The following RGS12 variants were observed in gnomAD, a reference collection of about 807,000 sequenced individuals.
The protein encoded by RGS12 is regulator of G-protein signaling 12.
RGS12 carries 66 observed loss-of-function variants against 120.1 expected under a neutral mutation model. The observed-to-expected ratio is 0.55, with a 90% CI of 0.45 to 0.67. The LOEUF (loss-of-function observed/expected upper bound fraction) is 0.67. Ranked by LOEUF, RGS12 falls within the 30% of genes least tolerant of loss-of-function variation. The pLI, the probability that RGS12 is intolerant of heterozygous loss-of-function variation, is 0.00. For synonymous variants in RGS12, 827 were observed against 804.7 expected (o/e 1.03, Z -0.47); for missense variants, 1,859 against 1,957.7 (o/e 0.95, Z 0.95).
intron 3 of RGS12, among the ~76,000 whole-genome samples, chr4:3,377,028 T>C (rs78701585): frequency 6.6e-6 from 1 of 152,098 alleles, no homozygotes; most frequent in Non-Finnish European, 1.5e-5. Context: ...TTTTTTTTTT[T>C]TGAGACAGGG....
chr4:3,287,799 G>C, the RGS12 span, among the ~76,000 whole-genome samples: 1 of 152,224 alleles, frequency 6.6e-6, no homozygotes, highest in Non-Finnish European at 1.5e-5. Context: ...CCACCTGGAA[G>C]GTAGTCCCGG....
rs1724857061 is a variant in RGS12 at position 3,317,488 on chromosome 4, G to A, written c.1318G>A (p.Val440Met). Residue 440 changes from valine to methionine, a missense_variant, in exon 2 of 18, where the codon GTG becomes ATG. Val to Met is a conservative substitution (Grantham distance 21). Coordinates refer to ENST00000336727, the MANE Select transcript of RGS12 (RefSeq NM_001394154.1). ...GGAGGAGAAGAGCAACCGGGTCCTT[G>A]TGGTGGACCTGGGTGGGAGCTCGAG... is the stretch of plus-strand genomic sequence containing the variant. ...HQEEKSNRVL[V>M]VDLGGSSSRH... The A allele has an allele frequency of 1.2e-6, 2 of 1,613,750 alleles. No individual in the cohort carries two copies. The highest frequency in any genetic ancestry group is 2.2e-5 in the East Asian group (1 of 44,882).
intron 13 of RGS12, among the ~76,000 whole-genome samples, chr4:3,424,714 G>A (rs569168758): frequency 1.3e-5 from 2 of 152,232 alleles, no homozygotes; most frequent in Non-Finnish European, 2.9e-5. Context: ...TGTGGAATGG[G>A]TTGTTTGGGA....
At chr4:3,288,168 G>A (rs184565238), upstream of RGS12, among the ~76,000 whole-genome samples, 6 of 152,300 alleles carry the variant, frequency 3.9e-5, 1 homozygote, top group South Asian at 8.3e-4. This position sits in a 1 kb window ranked among gnomAD's most constrained non-coding sequence, Gnocchi z 5.2. Flanking sequence ...GGGAGTGTGC[G>A]CAGACCCCCA....
chr4:3,349,951 C>A (rs1345110535), intron 3 of RGS12, among the ~76,000 whole-genome samples: 1 of 152,178 alleles, frequency 6.6e-6, no homozygotes, highest in Non-Finnish European at 1.5e-5. Flanking sequence ...ACATGACAGT[C>A]TATAAGCACT....
At chr4:3,296,224 C>T (rs1431703782) in intron 1 of RGS12, among the ~76,000 whole-genome samples, 1 of 152,194 alleles carries the variant, frequency 6.6e-6, no homozygotes, top group African/African-American at 2.4e-5. Flanking sequence ...CACTTTGTTG[C>T]CCAGGTGGAG....
intron 3 of RGS12, chr4:3,370,044 G>T: frequency 7.9e-7 from 1 of 1,265,964 alleles, no homozygotes; most frequent in East Asian, 3.0e-5. Flanking sequence ...ATCTCACAGC[G>T]TGATTTATGT....
intron 7 of RGS12, among the ~76,000 whole-genome samples, chr4:3,416,704 T>C (rs377698695): frequency 1.3e-5 from 2 of 152,258 alleles, no homozygotes; most frequent in African/African-American, 4.8e-5. Context: ...TGATAAAGGC[T>C]GGTTCGTTAT....
Position 3,310,348 on chromosome 4 carries a change from G to A in RGS12, c.-101-5722G>A, listed in dbSNP as rs1578696749. ...GGGAACCGGGCGGGAGAGGAGCTGG[G>A]GCCTGGAAGGCCAAGGCAAGGGCTG... On this transcript the variant is annotated intron_variant, in intron 1 of 17. Coordinates refer to ENST00000336727, the MANE Select transcript of RGS12 (RefSeq NM_001394154.1). Among the ~76,000 whole-genome samples the A allele has an allele frequency of 2.0e-5, 3 of 152,302 alleles. No homozygotes were observed. The South Asian group carries it at 6.2e-4, about 32-fold the overall frequency.
intron 3 of RGS12, among the ~76,000 whole-genome samples, chr4:3,362,850 A>AG (rs1253009283): frequency 3.1e-5 from 4 of 130,464 alleles, no homozygotes; most frequent in East Asian, 5.0e-4. Flanking sequence ...ACTGAGTGTG[A>AG]GGGTGTGTGT....
intron 3 of RGS12, among the ~76,000 whole-genome samples, chr4:3,373,953 G>C (rs918843336): frequency 6.6e-6 from 1 of 152,198 alleles, no homozygotes; most frequent in African/African-American, 2.4e-5. Flanking sequence ...GACACCTTGT[G>C]CTGTAAGCTG....
At chr4:3,409,619 G>A (rs1378047088) in intron 4 of RGS12, among the ~76,000 whole-genome samples, 1 of 152,246 alleles carries the variant, frequency 6.6e-6, no homozygotes, top group South Asian at 2.1e-4. Context: ...GGGCCCGGGG[G>A]CTGGTGTGGG....
chr4:3,307,292 C>A (rs927094639), intron 1 of RGS12, among the ~76,000 whole-genome samples: 22 of 152,248 alleles, frequency 1.4e-4, no homozygotes, highest in Non-Finnish European at 2.8e-4. Context: ...AGCCCGCGCA[C>A]CGCTGGGGAC....
chr4:3,388,156 C>T (rs2108977814), intron 4 of RGS12, among the ~76,000 whole-genome samples: 1 of 152,270 alleles, frequency 6.6e-6, no homozygotes, highest in South Asian at 2.1e-4. Context: ...CCTGGGGCCA[C>T]TGGGACAGGC....
chr4:3,346,054 T>C (rs1713756744), intron 3 of RGS12, among the ~76,000 whole-genome samples: 1 of 152,172 alleles, frequency 6.6e-6, no homozygotes, highest in South Asian at 2.1e-4. Flanking sequence ...CCTGTTTTCT[T>C]ATTTTGGGTA....
intron 3 of RGS12, among the ~76,000 whole-genome samples, chr4:3,364,481 G>A (rs931119490): frequency 1.3e-5 from 2 of 152,102 alleles, no homozygotes; most frequent in Admixed American, 6.5e-5. Flanking sequence ...GCCAGGCAAC[G>A]TCCTGCCTTT....
intron 3 of RGS12, among the ~76,000 whole-genome samples, chr4:3,358,452 T>C (rs1374567337): frequency 1.3e-5 from 2 of 152,160 alleles, no homozygotes; most frequent in Non-Finnish European, 2.9e-5. Flanking sequence ...ATGGAGATGA[T>C]GTTTGTTGTT....
intron 1 of RGS12, among the ~76,000 whole-genome samples, chr4:3,310,701 G>T (rs1470096501): frequency 1.3e-5 from 2 of 152,068 alleles, no homozygotes; most frequent in Non-Finnish European, 2.9e-5. Context: ...GGGGTGCCAG[G>T]TGGGTGTTCG....
In RGS12 at chr4:3,420,724, T is replaced by C; in HGVS notation, c.2838+6T>C. On this transcript the variant is annotated splice_donor_region_variant and intron_variant, in intron 10 of 17. Coordinates refer to ENST00000336727, the MANE Select transcript of RGS12 (RefSeq NM_001394154.1). The stretch of plus-strand genomic sequence containing the variant: ...CTGCGGGGAGCCTGGACCTGGTGAG[T>C]CACTGTCTCCCCTCGTCCCACAGGC... 1 of 1,610,456 alleles carries C rather than the reference T, an allele frequency of 6.2e-7. No individual in the cohort carries two copies. Among genetic ancestry groups the C allele is most frequent in the Non-Finnish European group, 8.5e-7 (1 of 1,179,240 alleles).
Sources: gnomAD v4.1 joint callset for allele counts (sites outside exome capture counted in the v4.1 genomes callset) on GRCh38, gnomAD v4.1.1 for gene constraint, Gnocchi (gnomAD v3.1) non-coding constraint, MANE v1.5 for transcripts, NCBI Gene and HGNC (gene_info 2026-07-23, HGNC 2026-07-21) for gene names.